The following SLC9A8 variants were observed in gnomAD, a reference collection of about 807,000 sequenced individuals.
SLC9A8 encodes sodium/hydrogen exchanger 8.
Under a neutral mutation model 66.6 loss-of-function variants are expected in SLC9A8, and 48 were observed. That is an observed-to-expected ratio of 0.72 (90% confidence interval 0.57 to 0.92). The LOEUF is 0.92. Ranked by LOEUF, SLC9A8 falls within the 40% of genes least tolerant of loss-of-function variation. The probability of loss-of-function intolerance (pLI) is 0.00; values close to 1 mark genes in which losing one functional copy is unlikely to be tolerated. For synonymous variants in SLC9A8, 274 were observed against 282.6 expected (o/e 0.97, Z 0.31); for missense variants, 599 against 747.3 (o/e 0.80, Z 2.31).
At chr20:49,862,198 T>TC (rs1461085959) in intron 8 of SLC9A8, among the ~76,000 whole-genome samples, 2 of 151,998 alleles carry the variant, frequency 1.3e-5, no homozygotes, top group Non-Finnish European at 2.9e-5. Flanking sequence ...CTGGGTGCCT[T>TC]CCCCCATTTC....
At chr20:49,834,876 G>A (rs1453357572) in intron 3 of SLC9A8, among the ~76,000 whole-genome samples, 1 of 152,096 alleles carries the variant, frequency 6.6e-6, no homozygotes, top group Non-Finnish European at 1.5e-5. Context: ...AAAACACTAA[G>A]CTTTAAAAAT....
chr20:49,816,821 C>A (rs1238245385), intron 2 of SLC9A8, among the ~76,000 whole-genome samples: 12 of 151,936 alleles, frequency 7.9e-5, no homozygotes, highest in Non-Finnish European at 1.8e-4. Flanking sequence ...CTCTGCCTCC[C>A]GGGTTCACGC....
chr20:49,867,413 C>T (rs1169384672), intron 10 of SLC9A8, among the ~76,000 whole-genome samples: 1 of 152,186 alleles, frequency 6.6e-6, no homozygotes, highest in African/African-American at 2.4e-5. Flanking sequence ...GTACCGTGAG[C>T]TCACTCCACT....
intron 12 of SLC9A8, among the ~76,000 whole-genome samples, chr20:49,880,380 G>A (rs1415626831): frequency 6.6e-6 from 1 of 152,188 alleles, no homozygotes; most frequent in East Asian, 1.9e-4. Context: ...GGCTAAGCCG[G>A]GGCATGTGGC....
At chr20:49,884,261 C>G (rs1270258854) in intron 14 of SLC9A8, 195 bp downstream of exon 14, 45 of 284,334 alleles carry the variant, frequency 1.6e-4, no homozygotes, top group Middle Eastern at 1.0e-3. Flanking sequence ...ACACACACGA[C>G]ACACACACAC....
intron 7 of SLC9A8, among the ~76,000 whole-genome samples, chr20:49,853,124 G>GCA (rs1485095793): frequency 6.6e-6 from 1 of 152,144 alleles, no homozygotes; most frequent in African/African-American, 2.4e-5. Context: ...GGTGTATCCT[G>GCA]CAGGGGTAGG....
rs758998861 is a variant in SLC9A8, at chr20:49,812,897, C to G, written c.-26C>G. 2.8e-5 allele frequency: 42 copies of G among 1,496,964 alleles called. No homozygotes were observed. In the South Asian group the frequency reaches 4.5e-4, roughly 16 times the overall value. 92.7% of individuals were successfully genotyped at this position (1,496,964 alleles called of 1,614,324 possible). On this transcript the variant is annotated 5_prime_UTR_variant, in exon 1 of 16. Transcript: ENST00000361573. The stretch of plus-strand genomic sequence containing the variant: ...GTCCTGCTAGCCCCGCGGCTCCGAA[C>G]TCGGTGGTCCTGGAAGCTCCGCAGG...
At chr20:49,882,346 C>T (rs1234262651) in intron 13 of SLC9A8, among the ~76,000 whole-genome samples, 2 of 152,214 alleles carry the variant, frequency 1.3e-5, no homozygotes, top group African/African-American at 2.4e-5. Flanking sequence ...CCCGTCCTAG[C>T]CTACCTCCTT....
intron 10 of SLC9A8, among the ~76,000 whole-genome samples, chr20:49,873,771 CAAAAAAAAAAAAAAA>C (rs35613935): frequency 1.7e-5 from 1 of 60,228 alleles, no homozygotes; most frequent in African/African-American, 6.8e-5. Context: ...AACTCCGTCT[CAAAAAAAAAAAAAAA>C]AAAAAAAAAG....
At chr20:49,879,000 G>C (rs1297884064) in intron 12 of SLC9A8, among the ~76,000 whole-genome samples, 1 of 151,988 alleles carries the variant, frequency 6.6e-6, no homozygotes, top group African/African-American at 2.4e-5. Flanking sequence ...CCCAGCCTGG[G>C]CAAAAAGAGC....
chr20:49,855,036 C>A (rs186309940), intron 7 of SLC9A8, among the ~76,000 whole-genome samples: 394 of 152,284 alleles, frequency 2.6e-3, no homozygotes, highest in Non-Finnish European at 3.9e-3. Flanking sequence ...TGGGGTCGGT[C>A]ACGGACAGCA....
intron 2 of SLC9A8, among the ~76,000 whole-genome samples, chr20:49,817,800 A>G (rs940675293): frequency 2.0e-5 from 3 of 152,196 alleles, no homozygotes; most frequent in Admixed American, 1.3e-4. Flanking sequence ...TACCCTGTAA[A>G]TGTAGTTGAA....
Position 49,839,685 on chromosome 20 carries a change from T to G in SLC9A8, c.348+86T>G, listed in dbSNP as rs577421008. 134 of 775,188 alleles carry G rather than the reference T, an allele frequency of 1.7e-4. 4 individuals carry two copies. The South Asian group carries it at 2.3e-3, about 13-fold the overall frequency. 48.0% of individuals were successfully genotyped at this position (775,188 alleles called of 1,614,324 possible). A position where few individuals can be genotyped will look rare whatever the true frequency, so the allele number is the denominator to read the frequency against. ...TGTAATTACTTGGCTATCAGTGGAG[T>G]TATTTATATTATTATGTTATATATC... On this transcript the variant is annotated intron_variant, in intron 4 of 15. Transcript: ENST00000361573.
chr20:49,848,143 C>G (rs769930948), intron 5 of SLC9A8, among the ~76,000 whole-genome samples: 5 of 151,866 alleles, frequency 3.3e-5, no homozygotes, highest in Non-Finnish European at 7.4e-5. Flanking sequence ...AGGTTGGTCT[C>G]GAACTCCTGA....
At chr20:49,825,122 T>C (rs969316008) in intron 3 of SLC9A8, among the ~76,000 whole-genome samples, 6 of 152,314 alleles carry the variant, frequency 3.9e-5, no homozygotes, top group Non-Finnish European at 7.3e-5. Flanking sequence ...TTGATAGCAT[T>C]GTTGCTTTGT....
At chr20:49,879,150 C>T (rs2089537127) in intron 12 of SLC9A8, among the ~76,000 whole-genome samples, 1 of 152,152 alleles carries the variant, frequency 6.6e-6, no homozygotes. Flanking sequence ...GTGACTATTT[C>T]AGCCACAGGT....
At chr20:49,846,655 T>C (rs1172396686) in intron 5 of SLC9A8, among the ~76,000 whole-genome samples, 2 of 152,166 alleles carry the variant, frequency 1.3e-5, no homozygotes, top group African/African-American at 2.4e-5. Context: ...GGCTCATGCC[T>C]ATAATCCCAG....
At chr20:49,840,069 G>A (rs1048334613) in intron 4 of SLC9A8, among the ~76,000 whole-genome samples, 6 of 152,062 alleles carry the variant, frequency 3.9e-5, no homozygotes, top group African/African-American at 1.4e-4. Context: ...TCATCACCTC[G>A]TTTTTACAGA....
At chr20:49,870,423 G>C (rs2089168737) in intron 10 of SLC9A8, among the ~76,000 whole-genome samples, 1 of 152,214 alleles carries the variant, frequency 6.6e-6, no homozygotes, top group South Asian at 2.1e-4. Flanking sequence ...AGAGGAGCCA[G>C]CCCAGGGACG....
Sources: gnomAD v4.1 joint callset for allele counts (sites outside exome capture counted in the v4.1 genomes callset) on GRCh38, gnomAD v4.1.1 for gene constraint, MANE v1.5 for transcripts, NCBI Gene and HGNC (gene_info 2026-07-23, HGNC 2026-07-21) for gene names.